GABPA: variants seen among roughly 807,000 people sequenced by gnomAD.
The protein encoded by GABPA is GA-binding protein alpha chain.
A neutral mutation model predicts 59.4 loss-of-function variants in GABPA; 4 were observed. The ratio of observed to expected loss-of-function variants is 0.07; its 90% confidence interval spans 0.03 to 0.15. The LOEUF is 0.15. GABPA is among the 10% of genes least tolerant of loss of function. GABPA has a pLI of 1.00. For missense variants in GABPA, 251 were observed against 543.8 expected (o/e 0.46, Z 5.36); for synonymous variants, 164 against 183.1 (o/e 0.90, Z 0.84).
At chr21:25,737,644 C>T (rs957691042) in intron 1 of GABPA, among the ~76,000 whole-genome samples, 3 of 152,190 alleles carry the variant, frequency 2.0e-5, no homozygotes, top group African/African-American at 7.2e-5. Flanking sequence ...CCTGCTGATA[C>T]GCCATTAGGG....
chr21:25,751,181 G>A (rs1358757978), intron 4 of GABPA, among the ~76,000 whole-genome samples: 1 of 151,906 alleles, frequency 6.6e-6, no homozygotes, highest in Non-Finnish European at 1.5e-5. Flanking sequence ...CTTATAGAGA[G>A]TACTGCACAC....
intron 6 of GABPA, among the ~76,000 whole-genome samples, chr21:25,760,653 A>G (rs1354832592): frequency 6.6e-6 from 1 of 151,968 alleles, no homozygotes; most frequent in African/African-American, 2.4e-5. Flanking sequence ...TGAAGTTCTC[A>G]GTTTGCTAAG....
At chr21:25,746,845 A>G (rs2123509959) in intron 3 of GABPA, among the ~76,000 whole-genome samples, 3 of 152,340 alleles carry the variant, frequency 2.0e-5, no homozygotes, top group Middle Eastern at 3.4e-3. Context: ...AGGTAAAGAT[A>G]TATGCATGAA....
intron 4 of GABPA, among the ~76,000 whole-genome samples, chr21:25,749,686 C>G (rs867754928): frequency 6.6e-6 from 1 of 152,268 alleles, no homozygotes; most frequent in Middle Eastern, 3.4e-3. Flanking sequence ...ACAGAATAAG[C>G]TGGGTGTGGT....
chr21:25,763,945 T>C (rs2035826326), intron 7 of GABPA, among the ~76,000 whole-genome samples: 1 of 152,148 alleles, frequency 6.6e-6, no homozygotes, highest in Non-Finnish European at 1.5e-5. Flanking sequence ...ACTCTTTGTC[T>C]AATGTGTATG....
Position 25,734,980 on chromosome 21 carries a change from GA to G in GABPA, c.-624del, listed in dbSNP as rs773241564. On this transcript the variant is annotated 5_prime_UTR_variant, in exon 1 of 10. Transcript: ENST00000400075. Reference sequence around the variant, plus strand: ...TTATGGGCCGCCGTTTCAGTCGGTCGACGCTCACCGGACAGGAAGCGTCTCG... The same window carrying G: ...TTATGGGCCGCCGTTTCAGTCGGTCGCGCTCACCGGACAGGAAGCGTCTCG... The G allele has an allele frequency of 3.7e-5, 57 of 1,560,006 alleles. No homozygotes were observed. Among genetic ancestry groups the G allele is most frequent in the Non-Finnish European group, 4.9e-5 (56 of 1,154,414 alleles).
chr21:25,752,773 T>C lies in GABPA; in HGVS notation c.553+539T>C, dbSNP rs549714772. 2.6e-5 allele frequency among the ~76,000 whole-genome samples: 4 copies of C among 152,138 alleles called. No individual in the cohort carries two copies. In the East Asian group the frequency reaches 5.8e-4, roughly 22 times the overall value. ...CAGAACTGTTTTTGATTGATGAAAATGATAATTGAAAAATGAATATGGTGG... is the reference window on the plus strand; with the variant it reads ...CAGAACTGTTTTTGATTGATGAAAACGATAATTGAAAAATGAATATGGTGG... On this transcript the variant is annotated intron_variant, in intron 5 of 9. Coordinates refer to ENST00000400075, the MANE Select transcript of GABPA (RefSeq NM_002040.4).
chr21:25,762,768 T>C (rs1472134501), intron 7 of GABPA, among the ~76,000 whole-genome samples: 1 of 152,128 alleles, frequency 6.6e-6, no homozygotes, highest in African/African-American at 2.4e-5. Flanking sequence ...TATTCAAGTG[T>C]CCAAAACAAA....
At chr21:25,751,332 T>G (rs1480390116) in intron 4 of GABPA, among the ~76,000 whole-genome samples, 1 of 151,264 alleles carries the variant, frequency 6.6e-6, no homozygotes, top group Non-Finnish European at 1.5e-5. Context: ...GATTTAATTC[T>G]GGATAGTTGA....
intron 3 of GABPA, 82 bp downstream of exon 3, chr21:25,745,436 A>G (rs556558404): frequency 8.7e-6 from 11 of 1,261,596 alleles, no homozygotes; most frequent in South Asian, 4.2e-5. Context: ...CTTTATAGCT[A>G]TAGACTTTAT....
At position 25,764,280 on chromosome 21, in the gene GABPA, G is replaced by T; in HGVS notation, c.873G>T (p.Ala291=). The T allele has an allele frequency of 6.2e-7, 1 of 1,612,356 alleles. No homozygotes were observed. Among genetic ancestry groups the T allele is most frequent in the Non-Finnish European group, 8.5e-7 (1 of 1,179,072 alleles). The part of the protein sequence containing the change: ...PTTIKVINSS[A]KAAKVQRAPR... ...CCATTAAAGTTATAAATAGTAGTGCGAAAGCAGCCAAAGTACAAAGAGCGC... is the reference window on the plus strand; with the variant it reads ...CCATTAAAGTTATAAATAGTAGTGCTAAAGCAGCCAAAGTACAAAGAGCGC... Residue 291 remains alanine (A), a synonymous_variant, in exon 8 of 10, where the codon GCG becomes GCT. Transcript: ENST00000400075.
intron 7 of GABPA, chr21:25,763,228 T>C (rs1010681144): frequency 1.0e-5 from 5 of 479,612 alleles, no homozygotes; most frequent in Admixed American, 2.6e-5. Flanking sequence ...AACATTACTG[T>C]CTAGTTTGAG....
chr21:25,737,220 GC>G (rs2035096150), intron 1 of GABPA, among the ~76,000 whole-genome samples: 1 of 152,206 alleles, frequency 6.6e-6, no homozygotes, highest in Admixed American at 6.5e-5. Flanking sequence ...TGCAGTTCTG[GC>G]GGGGGCAGCC....
chr21:25,743,574 A>G (rs2035280696), intron 2 of GABPA, among the ~76,000 whole-genome samples: 1 of 149,068 alleles, frequency 6.7e-6, no homozygotes, highest in African/African-American at 2.5e-5. Flanking sequence ...GTCTAGTAGT[A>G]TGAGATCATC....
intron 7 of GABPA, among the ~76,000 whole-genome samples, 189 bp from the exon 8 acceptor site, chr21:25,764,021 C>T (rs373029923): frequency 2.0e-5 from 3 of 152,032 alleles, no homozygotes; most frequent in Non-Finnish European, 4.4e-5. Flanking sequence ...ATAATGCAAG[C>T]GTTATACTTT....
chr21:25,748,991 T>A, intron 3 of GABPA, 45 bp from the exon 4 acceptor site: 1 of 1,186,742 alleles, frequency 8.4e-7, no homozygotes. Context: ...GGACTTAATC[T>A]AATGATTGCA....
At chr21:25,767,680 T>G (rs976980131) in intron 9 of GABPA, among the ~76,000 whole-genome samples, 6 of 152,066 alleles carry the variant, frequency 3.9e-5, no homozygotes, top group Non-Finnish European at 7.4e-5. Context: ...TTAAAGCAAT[T>G]GATATGCCTA....
rs2829895 is a variant in GABPA at position 25,762,511 on chromosome 21, A to G, written c.802+146A>G. On this transcript the variant is annotated intron_variant, in intron 7 of 9. Coordinates refer to ENST00000400075, the MANE Select transcript of GABPA (RefSeq NM_002040.4). ...TTCTGTGGAATGAAAGCTCGACACA[A>G]GTACTTTATAAGATCCACTCATGTG... 9,164 of 565,616 alleles carry G rather than the reference A, an allele frequency of 0.016. 533 individuals carry two copies. Among genetic ancestry groups the G allele is most frequent in the African/African-American group, 0.14 (7,070 of 50,236 alleles). The allele number at this position is 565,616 out of a possible 1,614,324, so 35.0% of individuals were successfully genotyped here.
chr21:25,759,612 ATC>A (rs1476093406), intron 6 of GABPA, among the ~76,000 whole-genome samples: 1 of 152,130 alleles, frequency 6.6e-6, no homozygotes, highest in Non-Finnish European at 1.5e-5. Context: ...TTTTTTAAGT[ATC>A]TATGATACTA....
Sources: allele counts gnomAD v4.1 joint callset (sites outside exome capture counted in the v4.1 genomes callset), GRCh38; gene constraint gnomAD v4.1.1; transcripts MANE v1.5; gene names NCBI Gene and HGNC (gene_info 2026-07-23, HGNC 2026-07-21).